CREB5: variants seen among roughly 807,000 people sequenced by gnomAD.
The protein encoded by CREB5 is cyclic AMP-responsive element-binding protein 5.
In CREB5, 19 loss-of-function variants were observed where a neutral mutation model predicts 57.1. The ratio of observed to expected loss-of-function variants is 0.33; its 90% CI spans 0.23 to 0.49. The LOEUF (loss-of-function observed/expected upper bound fraction) is 0.49, where lower values mean the gene tolerates loss of function less well. Among genes scored for constraint, CREB5 ranks in the 20% least tolerant of loss-of-function variants. The probability of loss-of-function intolerance (pLI) is 0.99; values close to 1 mark genes in which losing one functional copy is unlikely to be tolerated. For synonymous variants in CREB5, 238 were observed against 238.3 expected (o/e 1.00, Z 0.01); for missense variants, 579 against 671.6 (o/e 0.86, Z 1.52).
At chr7:28,496,861 A>C (rs1022217780) in intron 3 of CREB5, among the ~76,000 whole-genome samples, 8 of 152,064 alleles carry the variant, frequency 5.3e-5, no homozygotes, top group African/African-American at 1.9e-4. Context: ...GTCTACAAAC[A>C]GAGATGGAGA....
Position 28,786,089 on chromosome 7 carries a change from CCAACT to C in CREB5, c.703-18109_703-18105del, listed in dbSNP as rs544575917. Reference sequence around the variant, plus strand: ...TGTCAGAGGCTGAAAGAAGATACAGCCAACTTGTACTCAGTTTCATGGCTGCCCAT... The same window carrying C: ...TGTCAGAGGCTGAAAGAAGATACAGCTGTACTCAGTTTCATGGCTGCCCAT... On this transcript the variant is annotated intron_variant, in intron 7 of 10. Transcript: ENST00000357727. Among the ~76,000 whole-genome samples the C allele has an allele frequency of 3.9e-3, 598 of 152,250 alleles. 6 individuals are homozygous for C. Among genetic ancestry groups the C allele is most frequent in the African/African-American group, 0.013 (558 of 41,530 alleles).
At chr7:28,672,180 A>ACACAC (rs1554283278) in intron 5 of CREB5, among the ~76,000 whole-genome samples, 5,624 of 84,296 alleles carry the variant, frequency 0.067, 353 homozygotes, top group African/African-American at 0.2. Context: ...TTATGGAAAA[A>ACACAC]AAAAAAAAAC....
chr7:28,630,496 A>T (rs1241527470), intron 5 of CREB5, among the ~76,000 whole-genome samples: 2 of 152,182 alleles, frequency 1.3e-5, no homozygotes, highest in Non-Finnish European at 2.9e-5. Flanking sequence ...CCGAGTGCTG[A>T]AAAAAACATA....
chr7:28,620,598 C>G (rs1368572522), intron 5 of CREB5, among the ~76,000 whole-genome samples: 1 of 152,164 alleles, frequency 6.6e-6, no homozygotes, highest in African/African-American at 2.4e-5. Flanking sequence ...CGTGGAGATA[C>G]TAGGAACTGT....
intron 1 of CREB5, among the ~76,000 whole-genome samples, chr7:28,367,496 C>T (rs4722788): frequency 0.42 from 63,748 of 152,078 alleles, 13,754 homozygotes; most frequent in East Asian, 0.54. Flanking sequence ...CTACAGCAAG[C>T]TCCATCAGTG....
intron 4 of CREB5, among the ~76,000 whole-genome samples, chr7:28,514,102 C>T (rs1007537885): frequency 6.6e-6 from 1 of 152,130 alleles, no homozygotes; most frequent in African/African-American, 2.4e-5. Context: ...TCTCCCTTGG[C>T]GAGTTTGCAT....
At chr7:28,388,094 G>C (rs1787146796) in intron 1 of CREB5, among the ~76,000 whole-genome samples, 1 of 152,106 alleles carries the variant, frequency 6.6e-6, no homozygotes, top group Non-Finnish European at 1.5e-5. Flanking sequence ...CTGAGTTGAG[G>C]GTGAGTTCCT....
chr7:28,428,562 G>A (rs1439221258), intron 1 of CREB5, among the ~76,000 whole-genome samples: 2 of 152,162 alleles, frequency 1.3e-5, no homozygotes, highest in Non-Finnish European at 2.9e-5. Flanking sequence ...AAGAAGTCAG[G>A]GAAGATATTA....
intron 1 of CREB5, among the ~76,000 whole-genome samples, chr7:28,415,301 A>T (rs541852612): frequency 1.3e-5 from 2 of 152,260 alleles, no homozygotes; most frequent in South Asian, 4.2e-4. Flanking sequence ...TTTACAGAAG[A>T]GACCCCTGGC....
chr7:28,353,569 C>T (rs563050318), intron 1 of CREB5, among the ~76,000 whole-genome samples: 9 of 152,152 alleles, frequency 5.9e-5, no homozygotes, highest in East Asian at 3.9e-4. Context: ...CGGGTCCAGG[C>T]GCGGTGGCTC....
chr7:28,429,615 G>T (rs1788637519), intron 1 of CREB5, among the ~76,000 whole-genome samples: 1 of 152,124 alleles, frequency 6.6e-6, no homozygotes, highest in African/African-American at 2.4e-5. Context: ...TTTGAGGAGG[G>T]ACTGGGCTGT....
intron 1 of CREB5, among the ~76,000 whole-genome samples, chr7:28,387,005 C>A (rs1787121275): frequency 6.6e-6 from 1 of 152,174 alleles, no homozygotes; most frequent in South Asian, 2.1e-4. Context: ...GATTACATGT[C>A]TTTACTATTG....
At chr7:28,537,739 A>G (rs944906750) in intron 4 of CREB5, among the ~76,000 whole-genome samples, 2 of 152,232 alleles carry the variant, frequency 1.3e-5, no homozygotes, top group African/African-American at 4.8e-5. Flanking sequence ...CTGTCATGAG[A>G]AAGGAGAACT....
At chr7:28,366,625 CA>C (rs1020185611) in intron 1 of CREB5, among the ~76,000 whole-genome samples, 2 of 152,072 alleles carry the variant, frequency 1.3e-5, no homozygotes, top group Admixed American at 1.3e-4. Context: ...TAATTTATCA[CA>C]AAAAAAGTTT....
At chr7:28,520,024 A>C (rs894370683) in intron 4 of CREB5, among the ~76,000 whole-genome samples, 3 of 152,214 alleles carry the variant, frequency 2.0e-5, no homozygotes, top group Non-Finnish European at 4.4e-5. Flanking sequence ...TGGTGTTAGA[A>C]GGGAAAATAG....
intron 5 of CREB5, chr7:28,616,037 C>T (rs2128681290): frequency 6.6e-6 from 1 of 152,346 alleles, no homozygotes; most frequent in South Asian, 2.1e-4. Context: ...ATTTGTGCAA[C>T]AGCCTGTAGA....
chr7:28,607,735 CTGTGTG>C (rs573980917), intron 5 of CREB5, among the ~76,000 whole-genome samples: 8,366 of 129,040 alleles, frequency 0.065, 374 homozygotes, highest in African/African-American at 0.1. Context: ...GCCCACAGGG[CTGTGTG>C]TGTGTGTGTG....
rs546601930 is a variant in CREB5 at position 28,370,765 on chromosome 7, A to G, written c.-25+71324A>G. 2.6e-5 allele frequency among the ~76,000 whole-genome samples: 4 copies of G among 152,326 alleles called. No homozygotes were observed. In the South Asian group the frequency reaches 8.3e-4, roughly 32 times the overall value. On this transcript the variant is annotated intron_variant, in intron 1 of 9. Coordinates refer to the CREB5 transcript ENST00000396299. ...GCAGTAACAGAATTTCATAGGATTT[A>G]TTAGCAGTAGAAAGTTCCCCAGAGC...
intron 1 of CREB5, among the ~76,000 whole-genome samples, chr7:28,391,305 G>A (rs1360225247): frequency 6.6e-6 from 1 of 152,118 alleles, no homozygotes; most frequent in Non-Finnish European, 1.5e-5. Context: ...AATATCAGTA[G>A]CCAACACACA....
Sources: allele counts gnomAD v4.1 joint callset (sites outside exome capture counted in the v4.1 genomes callset), GRCh38; gene constraint gnomAD v4.1.1; transcripts MANE v1.5; gene names NCBI Gene and HGNC (gene_info 2026-07-23, HGNC 2026-07-21).